GSE1: variants seen among roughly 807,000 people sequenced by gnomAD.
The protein encoded by GSE1 is Gse1 coiled-coil protein.
In GSE1, 32 loss-of-function variants were observed where a neutral mutation model predicts 112.6. The ratio of observed to expected loss-of-function variants is 0.28; its 90% confidence interval spans 0.21 to 0.38. The LOEUF (loss-of-function observed/expected upper bound fraction) is 0.38. Among genes scored for constraint, GSE1 ranks in the 10% least tolerant of loss-of-function variants. GSE1 has a pLI of 1.00. For missense variants in GSE1, 2,348 were observed against 1,699.2 expected (o/e 1.38, Z -6.71); for synonymous variants, 1,115 against 735.6 (o/e 1.52, Z -8.35).
intron 1 of GSE1, among the ~76,000 whole-genome samples, chr16:85,343,173 A>G (rs2151543820): frequency 6.6e-6 from 1 of 152,298 alleles, no homozygotes; most frequent in East Asian, 1.9e-4. Flanking sequence ...CTCAGCAATG[A>G]AAAGAAACAA....
At position 85,661,446 on chromosome 16, in the gene GSE1, C is replaced by T. The variant is rs1361480267; in HGVS notation, c.1941C>T (p.Asp647=). Residue 647 remains aspartate, a synonymous_variant, in exon 9 of 16, where the codon GAC becomes GAT. Transcript: ENST00000253458. ...GGAAGCGTGAGCCTGCCCCTCTGGA[C>T]AAGTACCAGCCACCTCCGCCGCCAC... ...GPRKREPAPL[D]KYQPPPPPPR... is the part of the protein sequence containing the mutation. The T allele has an allele frequency of 1.2e-6, 2 of 1,611,856 alleles. No homozygotes were observed. Among genetic ancestry groups the T allele is most frequent in the South Asian group, 2.2e-5 (2 of 91,036 alleles).
intron 1 of GSE1, among the ~76,000 whole-genome samples, chr16:85,356,473 C>G (rs1165265461): frequency 6.6e-6 from 1 of 152,202 alleles, no homozygotes; most frequent in Non-Finnish European, 1.5e-5. Flanking sequence ...CCCTTTGACT[C>G]CCCTTGGTGC....
In GSE1 at chr16:85,235,746, G is replaced by A. The variant is rs958168411; in HGVS notation, c.2283+63939G>A. ...CTGCGGCGGGACTAGGAGGTGGGGG[G>A]CCCGCCCGCCCCAGGAAGCGTGGCG... On this transcript the variant is annotated intron_variant, in intron 1 of 2. Coordinates refer to the GSE1 transcript ENST00000637419. 7.0e-4 allele frequency among the ~76,000 whole-genome samples: 106 copies of A among 151,288 alleles called. 1 individual carries two copies. The Middle Eastern group carries it at 0.01, about 15-fold the overall frequency.
intron 2 of GSE1, among the ~76,000 whole-genome samples, chr16:85,510,230 G>A (rs1172877177): frequency 6.6e-6 from 1 of 152,220 alleles, no homozygotes; most frequent in East Asian, 1.9e-4. Flanking sequence ...TCTGGGGGCT[G>A]AATTTCCATT....
At chr16:85,631,320 G>C (rs1349169071) in intron 1 of GSE1, among the ~76,000 whole-genome samples, 1 of 152,226 alleles carries the variant, frequency 6.6e-6, no homozygotes, top group African/African-American at 2.4e-5. Flanking sequence ...CAGGCACCAG[G>C]ACAAGAGCTC....
Position 85,663,456 on chromosome 16 carries a change from C to A in GSE1, c.2486C>A (p.Pro829His), listed in dbSNP as rs1297916782. The change falls in exon 11 of 16, where the codon CCC (proline) becomes CAC (histidine). Residue 829 changes from proline (P) to histidine (H), a missense_variant. Coordinates refer to ENST00000253458, the MANE Select transcript of GSE1 (RefSeq NM_014615.5). The stretch of plus-strand genomic sequence containing the variant: ...ATGCTGCGAGAGAGAAGCCCGTCGC[C>A]CCCAACAATTCAGAGCAAGCGGCAG... ...RRMLRERSPS[P>H]PTIQSKRQTP... The A allele has an allele frequency of 4.1e-5, 66 of 1,613,786 alleles. No homozygotes were observed. The highest frequency in any genetic ancestry group is 5.4e-5 in the Non-Finnish European group (64 of 1,180,034).
chr16:85,201,951 GC>G (rs1490590771), intron 1 of GSE1, among the ~76,000 whole-genome samples: 19 of 152,202 alleles, frequency 1.2e-4, no homozygotes, highest in South Asian at 2.1e-4. Context: ...TATTTTAGTT[GC>G]CATCTGTGGA....
chr16:85,636,835 G>C (rs982319313), intron 2 of GSE1, among the ~76,000 whole-genome samples: 1 of 152,190 alleles, frequency 6.6e-6, no homozygotes, highest in African/African-American at 2.4e-5. Context: ...GTCTATGCCT[G>C]GCTGTCAGCA....
intron 2 of GSE1, among the ~76,000 whole-genome samples, chr16:85,636,225 G>A (rs533510958): frequency 6.6e-5 from 10 of 152,330 alleles, no homozygotes; most frequent in South Asian, 4.1e-4. Context: ...GCAGAGGGTC[G>A]GGAGAGCGGG....
intron 1 of GSE1, among the ~76,000 whole-genome samples, chr16:85,343,077 G>A (rs2046658905): frequency 6.6e-6 from 1 of 152,010 alleles, no homozygotes; most frequent in Admixed American, 6.5e-5. Context: ...CAGCCTCTCA[G>A]GGAGGAAGGT....
chr16:85,649,330 G>C (rs754709), intron 3 of GSE1, among the ~76,000 whole-genome samples: 1 of 152,144 alleles, frequency 6.6e-6, no homozygotes, highest in South Asian at 2.1e-4. Context: ...GTGTTTGCAC[G>C]CTGAGCACCC....
At chr16:85,484,704 C>T (rs181618661) in intron 2 of GSE1, among the ~76,000 whole-genome samples, 205 of 152,346 alleles carry the variant, frequency 1.3e-3, no homozygotes, top group African/African-American at 4.3e-3. Context: ...CCTTCAATTG[C>T]ACAGCAGAGC....
At chr16:85,404,102 C>CT (rs2048187370) in intron 2 of GSE1, among the ~76,000 whole-genome samples, 1 of 137,044 alleles carries the variant, frequency 7.3e-6, no homozygotes, top group African/African-American at 2.8e-5. Flanking sequence ...AGGGCCCCCC[C>CT]GGATAATCCT....
chr16:85,416,252 TGA>T (rs1428084958), intron 2 of GSE1, among the ~76,000 whole-genome samples: 1 of 152,240 alleles, frequency 6.6e-6, no homozygotes, highest in Non-Finnish European at 1.5e-5. Context: ...TTATTAAATA[TGA>T]ACCGCTCTTG....
At chr16:85,238,515 C>T (rs1003498732) in intron 1 of GSE1, among the ~76,000 whole-genome samples, 1 of 152,150 alleles carries the variant, frequency 6.6e-6, no homozygotes, top group African/African-American at 2.4e-5. Context: ...CGGCGTGTGT[C>T]CTGGGAAGGG....
chr16:85,439,886 A>C (rs1471660427), intron 2 of GSE1, among the ~76,000 whole-genome samples: 1 of 152,200 alleles, frequency 6.6e-6, no homozygotes, highest in Non-Finnish European at 1.5e-5. Flanking sequence ...ACACAGGTAC[A>C]CACAGGCATG....
intron 1 of GSE1, chr16:85,594,244 G>GGA: frequency 7.6e-6 from 1 of 131,802 alleles, no homozygotes; most frequent in African/African-American, 2.8e-5. Context: ...GGGGGGGGGG[G>GGA]GCGGAGGGGA....
At chr16:85,195,996 C>T (rs1468272704) in intron 1 of GSE1, among the ~76,000 whole-genome samples, 1 of 152,166 alleles carries the variant, frequency 6.6e-6, no homozygotes, top group Admixed American at 6.5e-5. Context: ...TGACACGACA[C>T]CCCAGCGGAG....
chr16:85,395,726 C>T (rs1364020891), intron 2 of GSE1, among the ~76,000 whole-genome samples: 4 of 152,240 alleles, frequency 2.6e-5, no homozygotes, highest in African/African-American at 7.2e-5. Context: ...TGCCCACGCT[C>T]TCTAGGGGCC....
Sources: allele counts gnomAD v4.1 joint callset (sites outside exome capture counted in the v4.1 genomes callset), GRCh38; gene constraint gnomAD v4.1.1; transcripts MANE v1.5; gene names NCBI Gene and HGNC (gene_info 2026-07-23, HGNC 2026-07-21).